The following MINDY4 variants were observed in gnomAD, a reference collection of about 807,000 sequenced individuals.
MINDY4 encodes MINDY lysine 48 deubiquitinase 4, also known as probable ubiquitin carboxyl-terminal hydrolase MINDY-4.
A neutral mutation model predicts 87.0 loss-of-function variants in MINDY4; 68 were observed. That is an observed-to-expected ratio of 0.78 (90% confidence interval 0.64 to 0.96). The LOEUF (loss-of-function observed/expected upper bound fraction) is 0.96. Among genes scored for constraint, MINDY4 ranks in the 40% least tolerant of loss-of-function variants. MINDY4 has a pLI of 0.00. For synonymous variants in MINDY4, 379 were observed against 363.2 expected (o/e 1.04, Z -0.50); for missense variants, 919 against 928.2 (o/e 0.99, Z 0.13).
intron 5 of MINDY4, among the ~76,000 whole-genome samples, chr7:30,804,958 G>A (rs1787762728): frequency 6.6e-6 from 1 of 152,200 alleles, no homozygotes; most frequent in Non-Finnish European, 1.5e-5. Flanking sequence ...GGAGCCCAGG[G>A]GATGTGTGAG....
intron 15 of MINDY4, among the ~76,000 whole-genome samples, chr7:30,881,709 A>T (rs550025562): frequency 6.6e-6 from 1 of 152,196 alleles, no homozygotes; most frequent in African/African-American, 2.4e-5. Context: ...TTCTGCTCCA[A>T]CAAGGGATTT....
At chr7:30,819,779 C>T (rs1228048744) in intron 5 of MINDY4, among the ~76,000 whole-genome samples, 8 of 151,436 alleles carry the variant, frequency 5.3e-5, no homozygotes, top group Non-Finnish European at 1.2e-4. Flanking sequence ...CTGTTTTTAT[C>T]TGATAGCATT....
chr7:30,858,655 AT>A (rs200165290), intron 12 of MINDY4: 49,819 of 150,266 alleles, frequency 0.33, 11,152 homozygotes, highest in African/African-American at 0.64. Flanking sequence ...TTTTAAAAAT[AT>A]ATATATATAT....
intron 4 of MINDY4, among the ~76,000 whole-genome samples, chr7:30,787,697 G>A (rs900887984): frequency 6.6e-6 from 1 of 152,186 alleles, no homozygotes; most frequent in African/African-American, 2.4e-5. Flanking sequence ...GGAAAAGGTT[G>A]TTTTGGAAGG....
intron 9 of MINDY4, among the ~76,000 whole-genome samples, chr7:30,846,253 A>G (rs955338384): frequency 1.3e-5 from 2 of 152,188 alleles, no homozygotes; most frequent in African/African-American, 4.8e-5. Context: ...CCCCCAAATT[A>G]TAGACTCTGT....
At chr7:30,853,351 G>A (rs62449096) in intron 11 of MINDY4, 43 bp from the exon 12 acceptor site, 103,739 of 1,555,764 alleles carry the variant, frequency 0.067, 4,080 homozygotes, top group Non-Finnish European at 0.074. Flanking sequence ...GGGGCACTGC[G>A]TGGGGCTTGG....
Position 30,875,671 on chromosome 7 carries a change from A to C in MINDY4, c.1971+15A>C. 1 of 1,592,938 alleles carries C rather than the reference A, an allele frequency of 6.3e-7. No homozygotes were observed. Among genetic ancestry groups the C allele is most frequent in the Non-Finnish European group, 8.6e-7 (1 of 1,168,028 alleles). ...ACATGTGCCAGGTACCCAGATGCTCACGTTCACCACAAGTAGGGGAGCCTG... is the reference window on the plus strand; with the variant it reads ...ACATGTGCCAGGTACCCAGATGCTCCCGTTCACCACAAGTAGGGGAGCCTG... On this transcript the variant is annotated intron_variant, in intron 15 of 17. Coordinates refer to ENST00000265299, the MANE Select transcript of MINDY4 (RefSeq NM_032222.3).
rs1297975665 is a variant in MINDY4, at chr7:30,791,439, C to T, written c.938C>T (p.Thr313Ile). Reference protein sequence around the residue: ...RARPRDPSEDTPAVDGSTDTD... With the variant: ...RARPRDPSEDIPAVDGSTDTD... Reference sequence around the variant, plus strand: ...AGGCCGAGGGATCCCTCCGAGGACACCCCAGCAGTGGACGGCAGCACAGAC... The same window carrying T: ...AGGCCGAGGGATCCCTCCGAGGACATCCCAGCAGTGGACGGCAGCACAGAC... Residue 313 changes from threonine (T) to isoleucine (I), a missense_variant, in exon 5 of 18, where the codon ACC becomes ATC. Coordinates refer to ENST00000265299, the MANE Select transcript of MINDY4 (RefSeq NM_032222.3). The T allele has an allele frequency of 1.9e-6, 3 of 1,614,114 alleles. No homozygotes were observed. The highest frequency in any genetic ancestry group is 2.2e-5 in the South Asian group (2 of 91,088).
chr7:30,826,001 T>A (rs1235592009), intron 5 of MINDY4, among the ~76,000 whole-genome samples: 3 of 152,224 alleles, frequency 2.0e-5, no homozygotes, highest in Non-Finnish European at 4.4e-5. Context: ...CTGGATTCCT[T>A]GGCTTGTAGC....
chr7:30,777,448 A>G (rs1196886620), intron 1 of MINDY4, among the ~76,000 whole-genome samples: 1 of 152,102 alleles, frequency 6.6e-6, no homozygotes, highest in Non-Finnish European at 1.5e-5. Flanking sequence ...TTTCTGACCC[A>G]TATATCCATT....
chr7:30,819,385 T>A (rs775735572), intron 5 of MINDY4, among the ~76,000 whole-genome samples: 1 of 152,212 alleles, frequency 6.6e-6, no homozygotes, highest in African/African-American at 2.4e-5. Flanking sequence ...GAAACACAGT[T>A]TGGAATTTTT....
At chr7:30,830,843 T>C (rs1788680858) in intron 6 of MINDY4, among the ~76,000 whole-genome samples, 1 of 152,180 alleles carries the variant, frequency 6.6e-6, no homozygotes, top group African/African-American at 2.4e-5. Flanking sequence ...AGGAGCCACA[T>C]GGGCAAATGC....
At chr7:30,787,414 G>T (rs539880463) in intron 4 of MINDY4, among the ~76,000 whole-genome samples, 2 of 152,226 alleles carry the variant, frequency 1.3e-5, no homozygotes, top group Non-Finnish European at 1.5e-5. Flanking sequence ...CTTGTGGGAG[G>T]TTGGCAGAAT....
At chr7:30,818,289 CT>C (rs1788225631) in intron 5 of MINDY4, among the ~76,000 whole-genome samples, 1 of 152,162 alleles carries the variant, frequency 6.6e-6, no homozygotes, top group African/African-American at 2.4e-5. Flanking sequence ...TTCTCTCAAA[CT>C]CATGGCTGAT....
At chr7:30,823,424 C>G (rs1324622976) in intron 5 of MINDY4, among the ~76,000 whole-genome samples, 1 of 152,004 alleles carries the variant, frequency 6.6e-6, no homozygotes, top group Non-Finnish European at 1.5e-5. Flanking sequence ...AGAGCTTGTC[C>G]ATCTTCTTTC....
chr7:30,866,854 C>G (rs1396965326), intron 13 of MINDY4, among the ~76,000 whole-genome samples: 1 of 152,056 alleles, frequency 6.6e-6, no homozygotes, highest in Non-Finnish European at 1.5e-5. Context: ...AGCCTGGGCC[C>G]CTGCTTTCCC....
chr7:30,810,498 A>G (rs1048848669), intron 5 of MINDY4, among the ~76,000 whole-genome samples: 4 of 152,206 alleles, frequency 2.6e-5, no homozygotes, highest in African/African-American at 9.6e-5. Context: ...TTAAAACATA[A>G]TTATATACAA....
At chr7:30,805,416 C>T (rs1268628973) in intron 5 of MINDY4, among the ~76,000 whole-genome samples, 2 of 152,118 alleles carry the variant, frequency 1.3e-5, no homozygotes, top group Non-Finnish European at 2.9e-5. Context: ...AAACGCAGAT[C>T]CCAGGGAATG....
intron 11 of MINDY4, among the ~76,000 whole-genome samples, chr7:30,852,982 G>A (rs965657208): frequency 1.3e-5 from 2 of 152,216 alleles, no homozygotes; most frequent in Non-Finnish European, 2.9e-5. Context: ...GCTTCCTGCT[G>A]AACTCAGGAC....
Sources: allele counts gnomAD v4.1 joint callset (sites outside exome capture counted in the v4.1 genomes callset), GRCh38; gene constraint gnomAD v4.1.1; transcripts MANE v1.5; gene names NCBI Gene and HGNC (gene_info 2026-07-23, HGNC 2026-07-21).